The following SPTBN4 variants were observed in gnomAD, a reference collection of about 807,000 sequenced individuals.
SPTBN4 encodes spectrin beta chain, non-erythrocytic 4.
A neutral mutation model predicts 277.8 loss-of-function variants in SPTBN4; 96 were observed. The ratio of observed to expected loss-of-function variants is 0.35; its 90% CI spans 0.29 to 0.41. The LOEUF is 0.41. Ranked by LOEUF, SPTBN4 falls within the 10% of genes least tolerant of loss-of-function variation. The pLI, the probability that SPTBN4 is intolerant of heterozygous loss-of-function variation, is 1.00. For synonymous variants in SPTBN4, 1,481 were observed against 1,580.3 expected, an observed-to-expected ratio of 0.94 and a Z score of 1.49; for missense variants, 3,006 against 3,595.7, an observed-to-expected ratio of 0.84 and a Z score of 4.19.
rs375566307 is a variant in SPTBN4, at chr19:40,534,289, C to T, written c.4305C>T (p.Asp1435=). Residue 1435 remains aspartate (D), a synonymous_variant, in exon 20 of 36, where the codon GAC becomes GAT. Transcript: ENST00000598249. ...TTCACATGGAGAGCCAGCTGCAAGACGTGGACCCTGGAGGAGACCTGGCCA... is the reference window on the plus strand; with the variant it reads ...TTCACATGGAGAGCCAGCTGCAAGATGTGGACCCTGGAGGAGACCTGGCCA... ...KLLHMESQLQ[D]VDPGGDLATV... is the part of the protein sequence containing the mutation. 39 of 1,614,056 alleles carry T rather than the reference C, an allele frequency of 2.4e-5. No homozygotes were observed. Among genetic ancestry groups the T allele is most frequent in the South Asian group, 9.9e-5 (9 of 91,072 alleles).
intron 1 of SPTBN4, among the ~76,000 whole-genome samples, chr19:40,471,059 C>T (rs1440145916): frequency 1.3e-5 from 2 of 151,846 alleles, no homozygotes; most frequent in Non-Finnish European, 2.9e-5. Context: ...AAGTGATTCT[C>T]CTGCCTCAGC....
intron 20 of SPTBN4, among the ~76,000 whole-genome samples, chr19:40,544,655 G>T (rs941941925): frequency 1.3e-5 from 2 of 151,480 alleles, no homozygotes; most frequent in Admixed American, 1.3e-4. Context: ...CACCATGTTG[G>T]CCAGGCAGGT....
chr19:40,548,981 C>T (rs1435860013), intron 20 of SPTBN4, among the ~76,000 whole-genome samples: 1 of 152,210 alleles, frequency 6.6e-6, no homozygotes, highest in Non-Finnish European at 1.5e-5. Context: ...GCAGAGGAAA[C>T]AGCAAAGGCA....
At chr19:40,478,804 C>T (rs1202821530) in intron 2 of SPTBN4, among the ~76,000 whole-genome samples, 1 of 152,216 alleles carries the variant, frequency 6.6e-6, no homozygotes, top group Non-Finnish European at 1.5e-5. Flanking sequence ...GCCTCAGCCT[C>T]TCAAAGTGCT....
intron 18 of SPTBN4, among the ~76,000 whole-genome samples, chr19:40,530,071 C>G (rs1298599634): frequency 6.6e-6 from 1 of 152,116 alleles, no homozygotes; most frequent in East Asian, 1.9e-4. Context: ...CCTGTTCCCC[C>G]TCGCCCCCAC....
At chr19:40,570,903 A>T in intron 33 of SPTBN4, 175 bp downstream of exon 33, 4 of 443,376 alleles carry the variant, frequency 9.0e-6, no homozygotes, top group Non-Finnish European at 1.0e-5. Flanking sequence ...AAGCCAACCA[A>T]TGAGCAGGAG....
intron 17 of SPTBN4, among the ~76,000 whole-genome samples, chr19:40,526,452 G>A (rs1241375158): frequency 6.6e-6 from 1 of 152,094 alleles, no homozygotes; most frequent in Non-Finnish European, 1.5e-5. Context: ...GATTACAGGC[G>A]TGAGCCACCG....
chr19:40,507,591 T>C (rs2145856618), intron 13 of SPTBN4, among the ~76,000 whole-genome samples: 1 of 151,968 alleles, frequency 6.6e-6, no homozygotes, highest in South Asian at 2.1e-4. Context: ...ATGCTTGTAA[T>C]CCTAACACTT....
Position 40,531,460 on chromosome 19 carries a change from G to A in SPTBN4, c.3949-1165G>A, listed in dbSNP as rs1176740608. On this transcript the variant is annotated intron_variant, in intron 18 of 35. Transcript: ENST00000598249. ...CGGGACCGCGGAGCTGGAGTCCAGT[G>A]TTTGTTTTTTTTTTTTTTTTTTTTT... Among the ~76,000 whole-genome samples the A allele has an allele frequency of 6.1e-5, 5 of 81,452 alleles. No individual in the cohort carries two copies. The East Asian group carries it at 1.9e-3, about 31-fold the overall frequency. 53.4% of individuals were successfully genotyped at this position (81,452 alleles called of 152,430 possible). A position where few individuals can be genotyped will look rare whatever the true frequency, so the allele number is the denominator to read the frequency against.
At chr19:40,571,035 G>C in intron 33 of SPTBN4, 1 of 373,792 alleles carries the variant, frequency 2.7e-6, no homozygotes, top group South Asian at 3.2e-5. Context: ...CCTAAGGTTA[G>C]TGCATCTAAT....
At position 40,532,699 on chromosome 19, in the gene SPTBN4, G is replaced by T; in HGVS notation, c.4023G>T (p.Lys1341Asn). 6.2e-7 allele frequency: 1 copy of T among 1,613,646 alleles called. No homozygotes were observed. Among genetic ancestry groups the T allele is most frequent in the East Asian group, 2.2e-5 (1 of 44,856 alleles). Residue 1341 changes from lysine (K) to asparagine (N), a missense_variant, in exon 19 of 36, where the codon AAG (lysine) becomes AAT (asparagine). This residue lies in a region of SPTBN4 where 1,759 missense variants were observed against 2,061.5 expected (regional missense o/e 0.85). Coordinates refer to ENST00000598249, the MANE Select transcript of SPTBN4 (RefSeq NM_020971.3). ...GTREDNHKLH[K>N]RWLRHQAFMA... ...GGGAGGACAACCACAAGCTGCATAA[G>T]AGATGGCTCCGGCACCAGGCATTCA...
rs192070198 is a variant in SPTBN4, at chr19:40,557,767, A to T, written c.5670+364A>T. Among the ~76,000 whole-genome samples the T allele has an allele frequency of 3.3e-3, 508 of 151,886 alleles. 1 individual carries two copies. The highest frequency in any genetic ancestry group is 6.8e-3 in the Middle Eastern group (2 of 294). On this transcript the variant is annotated intron_variant, in intron 26 of 35. Transcript: ENST00000598249. ...ACCCCATCTCTACTAAAAATACGAA[A>T]ATTAGCCAGGTCTGGTGGCGGGCAC...
At chr19:40,536,498 G>A (rs1401100579) in intron 20 of SPTBN4, among the ~76,000 whole-genome samples, 1 of 152,012 alleles carries the variant, frequency 6.6e-6, no homozygotes, top group Admixed American at 6.6e-5. Context: ...ACAGGTGTGA[G>A]CCACTGTGCC....
chr19:40,556,977 C>T (rs750753216), intron 25 of SPTBN4, 46 bp from the exon 26 acceptor site: 9 of 1,519,406 alleles, frequency 5.9e-6, no homozygotes, highest in Non-Finnish European at 8.0e-6. Flanking sequence ...GTATGCTGCC[C>T]CTTTGCTCAC....
intron 35 of SPTBN4, 114 bp from the exon 36 acceptor site, chr19:40,575,296 CT>C: frequency 7.9e-7 from 1 of 1,269,532 alleles, no homozygotes. Context: ...ATCATCATCC[CT>C]TTTTAATAGA....
Position 40,560,882 on chromosome 19 carries a change from A to AC in SPTBN4, c.5915+480dup, listed in dbSNP as rs2081035827. The AC allele has an allele frequency of 3.3e-6, 1 of 306,730 alleles. No individual in the cohort carries two copies. The highest frequency in any genetic ancestry group is 2.2e-5 in the African/African-American group (1 of 45,102). 19.0% of individuals were successfully genotyped at this position (306,730 alleles called of 1,614,324 possible). ...CTTCCATCATGCCACCCTGGGAGTC[A>AC]CATGCTGGACCCTCTGCATCCCGCT... On this transcript the variant is annotated intron_variant, in intron 27 of 35. Coordinates refer to ENST00000598249, the MANE Select transcript of SPTBN4 (RefSeq NM_020971.3). This position sits in a 1 kb window ranked among gnomAD's most constrained non-coding sequence, Gnocchi z 5.2.
intron 18 of SPTBN4, among the ~76,000 whole-genome samples, chr19:40,531,460 GTTTGTTTTTTTTTTTTTTTTTT>G (rs2080670494): frequency 1.2e-5 from 1 of 81,402 alleles, no homozygotes; most frequent in Admixed American, 1.8e-4. Flanking sequence ...GGAGTCCAGT[GTTTGTTTTTTTTTTTTTTTTTT>G]TTTTTTTTTT....
At chr19:40,467,533 C>T (rs1366554154) in intron 1 of SPTBN4, among the ~76,000 whole-genome samples, 2 of 151,470 alleles carry the variant, frequency 1.3e-5, no homozygotes, top group East Asian at 2.0e-4. Flanking sequence ...CCTCCTTGGG[C>T]GCAGTGTCTG....
At chr19:40,489,228 A>AAAAAAAAGAAAG (rs781378644) in intron 3 of SPTBN4, among the ~76,000 whole-genome samples, 1 of 141,650 alleles carries the variant, frequency 7.1e-6, no homozygotes, top group African/African-American at 2.8e-5. Context: ...AAAAAAAAAA[A>AAAAAAAAGAAAG]AAAGAAAGAA....
Sources: gnomAD v4.1 joint callset for allele counts (sites outside exome capture counted in the v4.1 genomes callset) on GRCh38, gnomAD v4.1.1 for gene constraint, gnomAD v4.1.1 regional missense constraint, Gnocchi (gnomAD v3.1) non-coding constraint, MANE v1.5 for transcripts, NCBI Gene and HGNC (gene_info 2026-07-23, HGNC 2026-07-21) for gene names.